The following EIF2D variants were observed in gnomAD, a reference collection of about 807,000 sequenced individuals.
The protein encoded by EIF2D is hepatocellular carcinoma-associated antigen 56.
A neutral mutation model predicts 77.4 loss-of-function variants in EIF2D; 56 were observed. That is an observed-to-expected ratio of 0.72 (90% confidence interval 0.58 to 0.90). The LOEUF (loss-of-function observed/expected upper bound fraction) is 0.90, where lower values mean the gene tolerates loss of function less well. Among genes scored for constraint, EIF2D ranks in the 40% least tolerant of loss-of-function variants. The pLI is 0.00. For missense variants in EIF2D, 574 were observed against 706.5 expected, an observed-to-expected ratio of 0.81 and a Z score of 2.13; for synonymous variants, 230 against 271.0, an observed-to-expected ratio of 0.85 and a Z score of 1.49.
chr1:206,603,809 A>G (rs1670050261), intron 5 of EIF2D, among the ~76,000 whole-genome samples: 1 of 152,240 alleles, frequency 6.6e-6, no homozygotes, highest in South Asian at 2.1e-4. Context: ...CACACAAAGC[A>G]GTAAAAAACT....
At chr1:206,582,260 C>CAA (rs1668919177) in intron 2 of EIF2D, among the ~76,000 whole-genome samples, 1 of 152,164 alleles carries the variant, frequency 6.6e-6, no homozygotes, top group Non-Finnish European at 1.5e-5. Context: ...CCATTGACCT[C>CAA]AATCTCCTCA....
In EIF2D at chr1:206,584,918, C is replaced by G. The variant is rs1002844529; in HGVS notation, c.139-3756G>C. 1.8e-5 allele frequency: 11 copies of G among 609,976 alleles called. No homozygotes were observed. Among genetic ancestry groups the G allele is most frequent in the Non-Finnish European group, 3.2e-5 (11 of 345,746 alleles). The allele number at this position is 609,976 out of a possible 1,614,324, so 37.8% of individuals were successfully genotyped here. ...ACACCCTAGGCTCCCATTTCCTGAT[C>G]TGTGCAATGGGAGGAATCTGCCCCA... On this transcript the variant is annotated intron_variant and NMD_transcript_variant, in intron 2 of 5. Transcript: ENST00000472709. The surrounding 1 kb of genome is among the most constrained non-coding windows in gnomAD (Gnocchi z 4.9).
chr1:206,583,423 C>T (rs375552947), intron 2 of EIF2D: 64 of 1,376,868 alleles, frequency 4.6e-5, no homozygotes, highest in African/African-American at 3.8e-4. Flanking sequence ...CTCCACCACC[C>T]GCTTCGGGTT....
chr1:206,578,063 A>G (rs1230081388), intron 4 of EIF2D, among the ~76,000 whole-genome samples: 4 of 132,610 alleles, frequency 3.0e-5, no homozygotes, highest in Non-Finnish European at 5.0e-5. Flanking sequence ...CATTTCTACA[A>G]AAAAATAAAA....
chr1:206,572,005 G>T (rs1553404268), intron 5 of EIF2D, among the ~76,000 whole-genome samples: 1 of 152,174 alleles, frequency 6.6e-6, no homozygotes, highest in Non-Finnish European at 1.5e-5. Flanking sequence ...TGGAGCAGGG[G>T]AGAACAGAAA....
At position 206,612,359 on chromosome 1, in the gene EIF2D, T is replaced by TGGGGAAGAGAGCACAGAAGCC. The variant is rs1553414259; in HGVS notation, c.-38_-18dup. On this transcript the variant is annotated 5_prime_UTR_variant, in exon 1 of 15. Transcript: ENST00000271764. ...GGCAAACATGTCTGCTGGGGTGGCC[T>TGGGGAAGAGAGCACAGAAGCC]GGGGAAGAGAGCACAGAAGCCAGGG... 6.2e-7 allele frequency: 1 copy of TGGGGAAGAGAGCACAGAAGCC among 1,614,014 alleles called. No individual in the cohort carries two copies. The highest frequency in any genetic ancestry group is 8.5e-7 in the Non-Finnish European group (1 of 1,179,988).
chr1:206,574,590 TC>T (rs1378979286), intron 4 of EIF2D, among the ~76,000 whole-genome samples: 1 of 152,150 alleles, frequency 6.6e-6, no homozygotes, highest in African/African-American at 2.4e-5. Context: ...GAGCAGAAGC[TC>T]CATGATAAAG....
chr1:206,612,209 T>C (rs1670531178), intron 1 of EIF2D, 78 bp downstream of exon 1: 4 of 1,595,326 alleles, frequency 2.5e-6, no homozygotes, highest in Non-Finnish European at 3.4e-6. Context: ...CGGCCAAGAA[T>C]AGCGAGGGCT....
rs1669685575 is a variant in EIF2D, at chr1:206,597,129, C to T, written c.1359G>A (p.Met453Ile). The change falls in exon 12 of 15, where the codon ATG becomes ATA. Residue 453 changes from methionine (M) to isoleucine (I), a missense_variant. Transcript: ENST00000271764. Reference protein sequence around the residue: ...ILEKNEQHTVMKLPWDSLLTR... With the variant: ...ILEKNEQHTVIKLPWDSLLTR... ...TCAGAAGACTGTCCCATGGAAGCTT[C>T]ATGACTGTATGCTGTTCATTTTTCT... 1.2e-6 allele frequency: 2 copies of T among 1,613,968 alleles called. No individual in the cohort carries two copies. The highest frequency in any genetic ancestry group is 2.7e-5 in the African/African-American group (2 of 74,922).
chr1:206,585,331 G>A (rs1553407400), intron 2 of EIF2D: 2 of 1,522,930 alleles, frequency 1.3e-6, no homozygotes, highest in Non-Finnish European at 1.8e-6. Context: ...CCAGGCCTTA[G>A]GGCACCCTGG....
chr1:206,610,029 A>T (rs1234904347), intron 2 of EIF2D, among the ~76,000 whole-genome samples: 1 of 152,098 alleles, frequency 6.6e-6, no homozygotes, highest in Non-Finnish European at 1.5e-5. Context: ...AGAAAAGGAG[A>T]CTGAGTCCCT....
At chr1:206,597,763 G>A (rs1553410483) in intron 11 of EIF2D, among the ~76,000 whole-genome samples, 2 of 152,114 alleles carry the variant, frequency 1.3e-5, no homozygotes, top group Non-Finnish European at 2.9e-5. Context: ...TGGCCAACAT[G>A]GTGAAACCCC....
chr1:206,574,918 G>A (rs1364208671), intron 4 of EIF2D, among the ~76,000 whole-genome samples: 1 of 146,656 alleles, frequency 6.8e-6, no homozygotes, highest in Non-Finnish European at 1.5e-5. Context: ...GGAGTGCAGT[G>A]GCGCAATCTT....
chr1:206,570,061 C>T (rs114601436), downstream of EIF2D, among the ~76,000 whole-genome samples: 1 of 144,786 alleles, frequency 6.9e-6, no homozygotes, highest in African/African-American at 2.5e-5. Flanking sequence ...GTAAAATACA[C>T]ATAACATAAA....
intron 5 of EIF2D, among the ~76,000 whole-genome samples, chr1:206,571,810 G>A (rs1357924744): frequency 6.6e-6 from 1 of 152,176 alleles, no homozygotes; most frequent in Non-Finnish European, 1.5e-5. Context: ...CTGGGTGAGG[G>A]GACAGGGACC....
intron 3 of EIF2D, among the ~76,000 whole-genome samples, chr1:206,608,876 A>C (rs1553413247): frequency 1.3e-5 from 2 of 152,092 alleles, no homozygotes; most frequent in Admixed American, 1.3e-4. Context: ...ACATGATGAA[A>C]CCCTGTCTCT....
At chr1:206,586,150 A>G (rs1035973420) in intron 2 of EIF2D, 5 of 152,324 alleles carry the variant, frequency 3.3e-5, no homozygotes, top group African/African-American at 1.2e-4. Flanking sequence ...TCACTTATCC[A>G]TAGCGAGGAC....
At chr1:206,587,651 A>G (rs971768515), downstream of EIF2D, 3 of 153,924 alleles carry the variant, frequency 1.9e-5, no homozygotes, top group Non-Finnish European at 2.9e-5. Context: ...CACATTGCAC[A>G]TGGAAACCCA....
chr1:206,580,140 T>G (rs1250839902), intron 4 of EIF2D, among the ~76,000 whole-genome samples: 1 of 152,074 alleles, frequency 6.6e-6, no homozygotes, highest in Non-Finnish European at 1.5e-5. Flanking sequence ...CCCGCGTTTG[T>G]GGTGGGAAGG....
Sources: allele counts gnomAD v4.1 joint callset (sites outside exome capture counted in the v4.1 genomes callset), GRCh38; gene constraint gnomAD v4.1.1; non-coding constraint Gnocchi (gnomAD v3.1); transcripts MANE v1.5; gene names NCBI Gene and HGNC (gene_info 2026-07-23, HGNC 2026-07-21).